The following CENPT variants were observed in gnomAD, a reference collection of about 807,000 sequenced individuals.
CENPT encodes centromere protein T.
In CENPT, 42 loss-of-function variants were observed where a neutral mutation model predicts 59.7. That is an observed-to-expected ratio of 0.70 (90% CI 0.55 to 0.91). The LOEUF (loss-of-function observed/expected upper bound fraction) is 0.91. CENPT is among the 40% of genes least tolerant of loss of function. The probability of loss-of-function intolerance (pLI) is 0.00; values close to 1 mark genes in which losing one functional copy is unlikely to be tolerated. For missense variants in CENPT, 716 were observed against 713.4 expected (o/e 1.00, Z -0.04); for synonymous variants, 295 against 289.6 (o/e 1.02, Z -0.19).
rs1421092936 is a variant in CENPT, at chr16:67,829,515, T to G, written c.1188A>C (p.Ala396=). ...GGGTGCTGGAGGCCGACTCTGGACT[T>G]GCTACAAAGAAGAAGGGTGGGGTCA... The part of the protein sequence containing the change: ...SGDEDASGRA[A]SPESASSTPE... The change falls in exon 13 of 16, where the codon GCA becomes GCC. Residue 396 remains alanine, a splice_region_variant and synonymous_variant. Transcript: ENST00000562787. 6.3e-7 allele frequency: 1 copy of G among 1,596,086 alleles called. No individual in the cohort carries two copies. Among genetic ancestry groups the G allele is most frequent in the Non-Finnish European group, 8.5e-7 (1 of 1,175,280 alleles).
In CENPT at chr16:67,830,308, G is replaced by A. The variant is rs2057673711; in HGVS notation, c.862+82C>T. ...AGCCAGGGTGCTCTAGGGGCACAGA[G>A]GGGCTTGAGGAAGGAAAACTACCAT... is the stretch of plus-strand genomic sequence containing the variant. On this transcript the variant is annotated intron_variant, in intron 11 of 15. Coordinates refer to ENST00000562787, the MANE Select transcript of CENPT (RefSeq NM_025082.4). The A allele has an allele frequency of 2.0e-6, 3 of 1,519,246 alleles. No homozygotes were observed. The African/African-American group carries it at 4.1e-5, about 21-fold the overall frequency. The allele number at this position is 1,519,246 out of a possible 1,614,324, so 94.1% of individuals were successfully genotyped here. A position where few individuals can be genotyped will look rare whatever the true frequency, so the allele number is the denominator to read the frequency against.
At position 67,829,848 on chromosome 16, in the gene CENPT, G is replaced by A. The variant is rs927971302; in HGVS notation, c.1103C>T (p.Thr368Ile). Residue 368 changes from threonine (T) to isoleucine (I), a missense_variant, in exon 12 of 16, where the codon ACA becomes ATA. Physicochemically the swap from Thr to Ile is moderately conservative, Grantham distance 89 (BLOSUM62 -1). Transcript: ENST00000562787. ...AGTCCCCTGGGATCCCTCTGCTTCT[G>A]TCACCTCTGTGTGTCCCTCAGCCTC... ...VEEAEGHTEV[T>I]EAEGSQGTAE... The A allele has an allele frequency of 2.5e-6, 4 of 1,614,236 alleles. No homozygotes were observed. The highest frequency in any genetic ancestry group is 1.3e-5 in the African/African-American group (1 of 75,070).
intron 9 of CENPT, 29 bp downstream of exon 9, chr16:67,831,547 C>G (rs1167302523): frequency 6.2e-7 from 1 of 1,613,260 alleles, no homozygotes; most frequent in Non-Finnish European, 8.5e-7. Context: ...TCCACCCACT[C>G]CCAGAACAGG....
At position 67,843,092 on chromosome 16, in the gene CENPT, C is replaced by T. The variant is rs1416738827; in HGVS notation, c.-492+4309G>A. ...ATCCGTACAGCCGGCGCCCATCACT[C>T]CCACTGGAGAAGACGTGAAGCCCAT... On this transcript the variant is annotated intron_variant, in intron 1 of 15. Coordinates refer to ENST00000562787, the MANE Select transcript of CENPT (RefSeq NM_025082.4). This position sits in a 1 kb window ranked among gnomAD's most constrained non-coding sequence, Gnocchi z 5.7. 2 of 1,611,248 alleles carry T rather than the reference C, an allele frequency of 1.2e-6. No individual in the cohort carries two copies. The highest frequency in any genetic ancestry group is 2.7e-5 in the African/African-American group (2 of 75,050).
intron 1 of CENPT, among the ~76,000 whole-genome samples, chr16:67,837,433 G>A (rs893393034): frequency 3.3e-5 from 5 of 151,902 alleles, no homozygotes; most frequent in African/African-American, 7.3e-5. Context: ...CTTTGGCTGG[G>A]CGCAGTGGCT....
At chr16:67,840,277 C>T (rs938194701) in intron 1 of CENPT, among the ~76,000 whole-genome samples, 4 of 152,106 alleles carry the variant, frequency 2.6e-5, no homozygotes, top group Admixed American at 2.0e-4. Flanking sequence ...GAGATCGCGC[C>T]ACTGCCCTCC....
chr16:67,828,352 A>G lies in CENPT; in HGVS notation c.1601T>C (p.Leu534Pro). Residue 534 changes from leucine (L) to proline (P), a missense_variant, in exon 16 of 16, where the codon CTA (leucine) becomes CCA (proline). Coordinates refer to ENST00000562787, the MANE Select transcript of CENPT (RefSeq NM_025082.4). The part of the protein sequence containing the change: ...LVTDQVSLHV[L>P]VERHLPLEYR... ...CTCCAGGGGCAGGTGCCGCTCCACT[A>G]GCACGTGCAGTGAGACTTGGTCAGT... 1 of 1,610,110 alleles carries G rather than the reference A, an allele frequency of 6.2e-7. No homozygotes were observed. Among genetic ancestry groups the G allele is most frequent in the Non-Finnish European group, 8.5e-7 (1 of 1,176,920 alleles).
At chr16:67,836,370 G>C (rs922104571) in intron 1 of CENPT, among the ~76,000 whole-genome samples, 14 of 151,514 alleles carry the variant, frequency 9.2e-5, no homozygotes, top group African/African-American at 3.4e-4. Context: ...CCAGCCTGCA[G>C]TTTTAAATTA....
chr16:67,846,466 C>T (rs959538850), intron 1 of CENPT, among the ~76,000 whole-genome samples: 1 of 152,240 alleles, frequency 6.6e-6, no homozygotes, highest in Admixed American at 6.5e-5. Context: ...CTGGTTAAGG[C>T]CACACAGCTC....
chr16:67,836,578 C>T (rs1056415245), intron 1 of CENPT, among the ~76,000 whole-genome samples: 3 of 151,732 alleles, frequency 2.0e-5, no homozygotes, highest in African/African-American at 7.3e-5. Context: ...GCTAGGATTA[C>T]AGGGGCCCAC....
At chr16:67,838,631 AAAAG>A (rs2057745100) in intron 1 of CENPT, among the ~76,000 whole-genome samples, 3 of 151,350 alleles carry the variant, frequency 2.0e-5, no homozygotes, top group Admixed American at 1.3e-4. Flanking sequence ...CAAAAAAAAA[AAAAG>A]AAAAAAAAAT....
chr16:67,830,278 G>A, intron 11 of CENPT, 112 bp downstream of exon 11: 2 of 1,379,998 alleles, frequency 1.4e-6, no homozygotes, highest in South Asian at 1.3e-5. Flanking sequence ...GAAGGAGGCA[G>A]CCACAGCCAG....
intron 13 of CENPT, chr16:67,829,065 G>C (rs2057648476): frequency 1.8e-6 from 1 of 549,018 alleles, no homozygotes; most frequent in African/African-American, 1.9e-5. Flanking sequence ...CGACATCCTG[G>C]TTCAGACTTA....
intron 1 of CENPT, among the ~76,000 whole-genome samples, chr16:67,846,476 C>G (rs1230164184): frequency 6.6e-6 from 1 of 152,240 alleles, no homozygotes; most frequent in Non-Finnish European, 1.5e-5. Context: ...CCACACAGCT[C>G]GGAAGAGTAA....
At chr16:67,832,191 G>A (rs1567369601) in intron 6 of CENPT, 37 bp downstream of exon 6, 3 of 1,611,236 alleles carry the variant, frequency 1.9e-6, no homozygotes, top group African/African-American at 1.3e-5. Flanking sequence ...GGTTGGACTG[G>A]TACCTAACTC....
chr16:67,838,476 G>T (rs2057744416), intron 1 of CENPT, among the ~76,000 whole-genome samples: 1 of 152,022 alleles, frequency 6.6e-6, no homozygotes. Context: ...ACAAAAATTA[G>T]CCAGGCATGG....
intron 1 of CENPT, among the ~76,000 whole-genome samples, chr16:67,846,295 A>G (rs2057797687): frequency 6.6e-6 from 1 of 152,254 alleles, no homozygotes; most frequent in African/African-American, 2.4e-5. Flanking sequence ...CCCTGACTGT[A>G]GAAGTTTGAG....
chr16:67,832,330 C>A lies in CENPT; in HGVS notation c.202-15G>T, dbSNP rs764571606. ...CTGCCAACAGACTATCGGCAAAGCA[C>A]CAAGCAACCAGTCTGTCCGTCTGCC... On this transcript the variant is annotated splice_polypyrimidine_tract_variant and intron_variant, in intron 5 of 15. Transcript: ENST00000562787. 1 of 1,613,920 alleles carries A rather than the reference C, an allele frequency of 6.2e-7. No individual in the cohort carries two copies. The highest frequency in any genetic ancestry group is 1.1e-5 in the South Asian group (1 of 91,082).
chr16:67,831,963 C>T (rs372795270), intron 7 of CENPT, 49 bp downstream of exon 7: 173 of 1,586,788 alleles, frequency 1.1e-4, no homozygotes, highest in African/African-American at 2.2e-4. Flanking sequence ...AAGAAACTCC[C>T]GGACTAAGCT....
Sources: gnomAD v4.1 joint callset for allele counts (sites outside exome capture counted in the v4.1 genomes callset) on GRCh38, gnomAD v4.1.1 for gene constraint, Gnocchi (gnomAD v3.1) non-coding constraint, MANE v1.5 for transcripts, NCBI Gene and HGNC (gene_info 2026-07-23, HGNC 2026-07-21) for gene names.